The following FGF10 variants were observed in gnomAD, a reference collection of about 807,000 sequenced individuals.
FGF10 encodes the protein FGF-10.
Under a neutral mutation model 19.8 loss-of-function variants are expected in FGF10, and 2 were observed. The ratio of observed to expected loss-of-function variants is 0.10; its 90% CI spans 0.04 to 0.32. FGF10 has a LOEUF of 0.32. Ranked by LOEUF, FGF10 falls within the 10% of genes least tolerant of loss-of-function variation. The probability of loss-of-function intolerance (pLI) is 1.00; values close to 1 mark genes in which losing one functional copy is unlikely to be tolerated. For missense variants in FGF10, 191 were observed against 246.3 expected (o/e 0.78, Z 1.50); for synonymous variants, 112 against 94.0 (o/e 1.19, Z -1.10).
At chr5:44,321,526 T>C (rs1244315783) in intron 1 of FGF10, among the ~76,000 whole-genome samples, 1 of 152,100 alleles carries the variant, frequency 6.6e-6, no homozygotes, top group African/African-American at 2.4e-5. Context: ...ATAGACAGAG[T>C]AGCTGCCGTG....
chr5:44,386,573 C>T (rs1045120157), intron 1 of FGF10, among the ~76,000 whole-genome samples: 13 of 152,160 alleles, frequency 8.5e-5, no homozygotes, highest in East Asian at 3.9e-4. Context: ...AATCGAAAAA[C>T]CTTAAAGGTT....
chr5:44,388,359 G>A lies in FGF10; in HGVS notation c.324C>T (p.Tyr108=), dbSNP rs370941301. 1.1e-5 allele frequency: 18 copies of A among 1,612,974 alleles called. No homozygotes were observed. Among genetic ancestry groups the A allele is most frequent in the Non-Finnish European group, 1.5e-5 (18 of 1,179,762 alleles). The change falls in exon 1 of 3, where the codon TAC becomes TAT. Residue 108 remains tyrosine (Y), a splice_region_variant and synonymous_variant. Transcript: ENST00000264664. ...VSGTKKENCP[Y]SILEITSVEI... ...GGGGAGCATGCATTTGTTACTTACT[G>A]TACGGGCAGTTCTCCTTCTTGGTCC...
At chr5:44,388,271 G>T (rs1742151565) in intron 1 of FGF10, 87 bp downstream of exon 1, 9 of 1,230,534 alleles carry the variant, frequency 7.3e-6, no homozygotes, top group Non-Finnish European at 3.6e-6. Context: ...TAAATATTTA[G>T]CTGGCCACAT....
At chr5:44,329,400 C>T (rs1263612754) in intron 1 of FGF10, among the ~76,000 whole-genome samples, 1 of 152,128 alleles carries the variant, frequency 6.6e-6, no homozygotes, top group Non-Finnish European at 1.5e-5. Flanking sequence ...TGGTCTCAAA[C>T]TTCTGACCTC....
intron 1 of FGF10, among the ~76,000 whole-genome samples, chr5:44,351,310 G>A (rs959250813): frequency 2.6e-4 from 40 of 151,542 alleles, no homozygotes; most frequent in African/African-American, 8.4e-4. Flanking sequence ...CAGATAATAA[G>A]ATAGATAGAC....
intron 2 of FGF10, among the ~76,000 whole-genome samples, chr5:44,308,943 GC>G (rs1315079714): frequency 6.6e-6 from 1 of 152,092 alleles, no homozygotes; most frequent in Admixed American, 6.6e-5. Flanking sequence ...CTTTTAATAA[GC>G]CCTTCCACTG....
At chr5:44,307,763 A>G (rs17228186) in intron 2 of FGF10, among the ~76,000 whole-genome samples, 55 of 152,348 alleles carry the variant, frequency 3.6e-4, no homozygotes, top group Non-Finnish European at 5.6e-4. Context: ...TGTTAGTTCT[A>G]TTCCACTCTG....
chr5:44,338,841 G>A (rs1019391390), intron 1 of FGF10, among the ~76,000 whole-genome samples: 3 of 152,142 alleles, frequency 2.0e-5, no homozygotes, highest in Non-Finnish European at 4.4e-5. Context: ...GTTATTGAGC[G>A]AGGAATGTAA....
chr5:44,359,607 C>G (rs965112224), intron 1 of FGF10, among the ~76,000 whole-genome samples: 2 of 151,432 alleles, frequency 1.3e-5, no homozygotes, highest in Non-Finnish European at 3.0e-5. Context: ...GGCTTAATGT[C>G]TCAAAATCTT....
intron 1 of FGF10, among the ~76,000 whole-genome samples, chr5:44,333,103 C>T (rs77429396): frequency 0.075 from 11,017 of 146,448 alleles, 526 homozygotes; most frequent in Middle Eastern, 0.11. Context: ...GAAGTCCTGA[C>T]CCCCCCCAAA....
chr5:44,328,801 C>T lies in FGF10; in HGVS notation c.326-18271G>A, dbSNP rs569693383. Among the ~76,000 whole-genome samples the T allele has an allele frequency of 2.6e-4, 39 of 152,190 alleles. 1 individual carries two copies. The highest frequency in any genetic ancestry group is 1.0e-3 in the South Asian group (5 of 4,816). ...TATTTTAAGTGAAACAAGTCAGACA[C>T]AAAAAGACAAATATGTATTCTCACT... On this transcript the variant is annotated intron_variant, in intron 1 of 2. Transcript: ENST00000264664.
chr5:44,367,148 A>G (rs931970458), intron 1 of FGF10, among the ~76,000 whole-genome samples: 1 of 152,066 alleles, frequency 6.6e-6, no homozygotes, highest in African/African-American at 2.4e-5. Flanking sequence ...ACACTATAAA[A>G]GTATTTTTTA....
rs1739946520 is a variant in FGF10, at chr5:44,300,484, T to C, written c.*4511A>G. Among the ~76,000 whole-genome samples the C allele has an allele frequency of 6.6e-6, 1 of 152,184 alleles. No individual in the cohort carries two copies. ...TGCAAAACCACAGTGAGCCTAGCTATATCCAGGGCCCTACTCTTGGCTTAA... is the reference window on the plus strand; with the variant it reads ...TGCAAAACCACAGTGAGCCTAGCTACATCCAGGGCCCTACTCTTGGCTTAA... On this transcript the variant is annotated 3_prime_UTR_variant, in exon 3 of 3. Coordinates refer to ENST00000264664, the MANE Select transcript of FGF10 (RefSeq NM_004465.2).
At chr5:44,316,398 T>C (rs1040567621) in intron 1 of FGF10, among the ~76,000 whole-genome samples, 7 of 152,180 alleles carry the variant, frequency 4.6e-5, no homozygotes, top group African/African-American at 1.7e-4. Context: ...ACCAACCTTC[T>C]ATACCAATAG....
In FGF10 at chr5:44,303,615, C is replaced by A. The variant is rs1823251; in HGVS notation, c.*1380G>T. Reference sequence around the variant, plus strand: ...AACTCTTATGTACTCTTTTCTATACCTGCTCTAACAAAATGAATTTTGATA... The same window carrying A: ...AACTCTTATGTACTCTTTTCTATACATGCTCTAACAAAATGAATTTTGATA... On this transcript the variant is annotated 3_prime_UTR_variant, in exon 3 of 3. Coordinates refer to ENST00000264664, the MANE Select transcript of FGF10 (RefSeq NM_004465.2). The A allele has an allele frequency of 1.3e-5, 2 of 151,882 alleles. No individual in the cohort carries two copies. Among genetic ancestry groups the A allele is most frequent in the Admixed American group, 6.6e-5 (1 of 15,240 alleles). The allele number at this position is 151,882 out of a possible 1,614,324, so 9.4% of individuals were successfully genotyped here. A position where few individuals can be genotyped will look rare whatever the true frequency, so the allele number is the denominator to read the frequency against.
chr5:44,326,091 C>G (rs547764347), intron 1 of FGF10, among the ~76,000 whole-genome samples: 7 of 152,166 alleles, frequency 4.6e-5, no homozygotes, highest in African/African-American at 1.7e-4. Flanking sequence ...TAAAAATAGA[C>G]ATGCCCTTAA....
At chr5:44,348,395 C>A (rs1393073543) in intron 1 of FGF10, among the ~76,000 whole-genome samples, 2 of 151,566 alleles carry the variant, frequency 1.3e-5, no homozygotes, top group Non-Finnish European at 3.0e-5. Context: ...AGTAGTCTCA[C>A]CTAGTTCTGA....
At chr5:44,349,084 C>A (rs1004714154) in intron 1 of FGF10, among the ~76,000 whole-genome samples, 1 of 151,288 alleles carries the variant, frequency 6.6e-6, no homozygotes, top group Non-Finnish European at 1.5e-5. Flanking sequence ...ATAGATCTGT[C>A]CAGCTTAAAT....
chr5:44,311,420 A>T (rs1373343886), intron 1 of FGF10, among the ~76,000 whole-genome samples: 1 of 152,116 alleles, frequency 6.6e-6, no homozygotes, highest in East Asian at 1.9e-4. Flanking sequence ...TGTTCAGGGT[A>T]GAGAAGTAGC....
Sources: allele counts gnomAD v4.1 joint callset (sites outside exome capture counted in the v4.1 genomes callset), GRCh38; gene constraint gnomAD v4.1.1; transcripts MANE v1.5; gene names NCBI Gene and HGNC (gene_info 2026-07-23, HGNC 2026-07-21).